The following UFL1 variants were observed in gnomAD, a reference collection of about 807,000 sequenced individuals.
The protein encoded by UFL1 is E3 UFM1-protein ligase 1.
Under a neutral mutation model 99.3 loss-of-function variants are expected in UFL1, and 78 were observed. The ratio of observed to expected loss-of-function variants is 0.79; its 90% CI spans 0.65 to 0.95. UFL1 has a LOEUF of 0.95. Among genes scored for constraint, UFL1 ranks in the 40% least tolerant of loss-of-function variants. The probability of loss-of-function intolerance (pLI) is 0.00; values close to 1 mark genes in which losing one functional copy is unlikely to be tolerated. For missense variants in UFL1, 936 were observed against 937.0 expected (o/e 1.00, Z 0.01); for synonymous variants, 335 against 322.2 (o/e 1.04, Z -0.42).
chr6:96,546,804 A>C (rs1406391322), intron 12 of UFL1, among the ~76,000 whole-genome samples: 1 of 150,940 alleles, frequency 6.6e-6, no homozygotes, highest in Non-Finnish European at 1.5e-5. Context: ...GGGAAGAACG[A>C]AACTGTATCC....
intron 8 of UFL1, among the ~76,000 whole-genome samples, chr6:96,536,691 G>A (rs1240105517): frequency 1.3e-5 from 2 of 151,682 alleles, no homozygotes; most frequent in Non-Finnish European, 2.9e-5. Context: ...AAAGCTGGTA[G>A]TAATCGCTGC....
In UFL1 at chr6:96,521,831, A is replaced by C. The variant is rs753378572; in HGVS notation, c.-43A>C. 1 of 1,588,910 alleles carries C rather than the reference A, an allele frequency of 6.3e-7. No homozygotes were observed. The highest frequency in any genetic ancestry group is 2.3e-5 in the East Asian group (1 of 43,660). ...CTCTTCTCCCACCGCCTGTCGGCTGACGTGTCTGCAGTTCCTCCGCGTCTA... is the reference window on the plus strand; with the variant it reads ...CTCTTCTCCCACCGCCTGTCGGCTGCCGTGTCTGCAGTTCCTCCGCGTCTA... On this transcript the variant is annotated 5_prime_UTR_variant, in exon 1 of 19. Transcript: ENST00000369278.
At chr6:96,522,978 G>GT (rs5878434) in intron 1 of UFL1, 168 bp from the exon 2 acceptor site, 260,294 of 496,966 alleles carry the variant, frequency 0.52, 67,790 homozygotes, top group Admixed American at 0.62. Context: ...ACTCTGAAAG[G>GT]TTTTTTTTTA....
intron 17 of UFL1, 55 bp from the exon 18 acceptor site, chr6:96,552,427 G>T: frequency 6.8e-7 from 1 of 1,473,038 alleles, no homozygotes; most frequent in Non-Finnish European, 9.0e-7. Context: ...AATTGAAATT[G>T]GTGAGAACTT....
chr6:96,551,459 A>G lies in UFL1; in HGVS notation c.1845A>G (p.Leu615=), dbSNP rs199533679. 4 of 1,531,894 alleles carry G rather than the reference A, an allele frequency of 2.6e-6. No homozygotes were observed. The highest frequency in any genetic ancestry group is 4.7e-5 in the East Asian group (2 of 42,212). 94.9% of individuals were successfully genotyped at this position (1,531,894 alleles called of 1,614,324 possible). ...TAAGAAAGAAAATTTTAAGTAAATT[A>G]TCAGAAGAAACCAAAGTAGCTCTTA... ...SEIRKKILSK[L]SEETKVALTK... Residue 615 remains leucine (L), a synonymous_variant, in exon 16 of 19, where the codon TTA becomes TTG. Coordinates refer to ENST00000369278, the MANE Select transcript of UFL1 (RefSeq NM_015323.5).
At chr6:96,528,755 A>T in intron 6 of UFL1, 123 bp downstream of exon 6, 18 of 1,258,722 alleles carry the variant, frequency 1.4e-5, no homozygotes, top group Non-Finnish European at 1.9e-5. Context: ...CAGTTTATTA[A>T]ACAGATAAAA....
chr6:96,538,618 T>C lies in UFL1; in HGVS notation c.979-13T>C. On this transcript the variant is annotated splice_polypyrimidine_tract_variant and intron_variant, in intron 9 of 18. Coordinates refer to ENST00000369278, the MANE Select transcript of UFL1 (RefSeq NM_015323.5). ...GCATTTATACTTTATTTTTATTTTG[T>C]TTGTAATTCTAGCCTCTGCTACCCA... is the stretch of plus-strand genomic sequence containing the variant. 6.2e-7 allele frequency: 1 copy of C among 1,608,420 alleles called. No individual in the cohort carries two copies. Among genetic ancestry groups the C allele is most frequent in the Non-Finnish European group, 8.5e-7 (1 of 1,176,702 alleles).
At chr6:96,524,779 A>G (rs767811275) in intron 3 of UFL1, among the ~76,000 whole-genome samples, 1 of 152,180 alleles carries the variant, frequency 6.6e-6, no homozygotes, top group Non-Finnish European at 1.5e-5. Flanking sequence ...TTTTTAGTAT[A>G]TGAAAGTAAT....
At chr6:96,532,127 A>G (rs1377255130) in intron 6 of UFL1, among the ~76,000 whole-genome samples, 3 of 152,206 alleles carry the variant, frequency 2.0e-5, no homozygotes, top group Non-Finnish European at 4.4e-5. Context: ...TTGTATTCCA[A>G]ATTGACGTAA....
In UFL1 at chr6:96,552,076, A is replaced by G. The variant is rs535127866; in HGVS notation, c.1985+153A>G. 4.6e-5 allele frequency among the ~76,000 whole-genome samples: 7 copies of G among 152,084 alleles called. No homozygotes were observed. In the East Asian group the frequency reaches 1.2e-3, roughly 25 times the overall value. ...GGCTGTAGACCTTCAAGAATATTCA[A>G]AGTCTTAAAATAGTTAGATATTTCT... On this transcript the variant is annotated intron_variant, in intron 17 of 18. Transcript: ENST00000369278.
chr6:96,536,651 T>A (rs918846954), intron 8 of UFL1, among the ~76,000 whole-genome samples: 1 of 151,788 alleles, frequency 6.6e-6, no homozygotes, highest in African/African-American at 2.4e-5. Flanking sequence ...AGTTCTATAG[T>A]TACTGAACAA....
At chr6:96,548,096 C>G (rs74913147) in intron 12 of UFL1, 68 bp from the exon 13 acceptor site, 1 of 946,968 alleles carries the variant, frequency 1.1e-6, no homozygotes, top group African/African-American at 1.7e-5. Context: ...GTAATGGAGC[C>G]CTATTTGCCA....
chr6:96,525,525 G>C, intron 4 of UFL1, 131 bp downstream of exon 4: 1 of 722,390 alleles, frequency 1.4e-6, no homozygotes, highest in Non-Finnish European at 2.4e-6. Context: ...TGATTTTCAT[G>C]ATAAGGTTTA....
chr6:96,553,464 TG>T lies in UFL1; in HGVS notation c.2347del (p.Val783PhefsTer9). On this transcript the variant is annotated frameshift_variant, in exon 19 of 19. Transcript: ENST00000369278. LOFTEE classifies it high-confidence loss of function. ...AACTTTCTTCATCCATTAAAGACCT[TG>T]TTCTCAAATCTAGGAAATCATCTGT... ...QELSSSIKDLVLKSRKSSVTE... is the reference protein window; with the variant it reads ...QELSSSIKDLXLKSRKSSVTE... 6.2e-7 allele frequency: 1 copy of T among 1,613,662 alleles called. No homozygotes were observed. Among genetic ancestry groups the T allele is most frequent in the Non-Finnish European group, 8.5e-7 (1 of 1,179,764 alleles).
chr6:96,554,134 G>A lies in UFL1; in HGVS notation c.*631G>A, dbSNP rs978669332. ...GATGCCTTTACAGGTGCACAAGAAC[G>A]CTAGAGTGGCCCATGCATTGCTGTG... is the stretch of plus-strand genomic sequence containing the variant. On this transcript the variant is annotated 3_prime_UTR_variant, in exon 19 of 19. Coordinates refer to ENST00000369278, the MANE Select transcript of UFL1 (RefSeq NM_015323.5). The A allele has an allele frequency of 6.6e-6, 1 of 152,168 alleles. No homozygotes were observed. Among genetic ancestry groups the A allele is most frequent in the Admixed American group, 6.6e-5 (1 of 15,262 alleles). 9.4% of individuals were successfully genotyped at this position (152,168 alleles called of 1,614,324 possible).
At position 96,540,662 on chromosome 6, in the gene UFL1, A is replaced by C. The variant is rs1398859851; in HGVS notation, c.1279+7A>C. ...CGAAGAAGGAAAGCAACAGGTAATA[A>C]ATTGTTAACAAGGAATATTCAAAGT... On this transcript the variant is annotated splice_region_variant and intron_variant, in intron 11 of 18. Coordinates refer to ENST00000369278, the MANE Select transcript of UFL1 (RefSeq NM_015323.5). 1 of 1,592,162 alleles carries C rather than the reference A, an allele frequency of 6.3e-7. No individual in the cohort carries two copies. The highest frequency in any genetic ancestry group is 1.4e-5 in the African/African-American group (1 of 73,350).
chr6:96,531,652 T>C (rs771512270), intron 6 of UFL1, among the ~76,000 whole-genome samples: 5 of 152,218 alleles, frequency 3.3e-5, no homozygotes, highest in Non-Finnish European at 5.9e-5. Context: ...TTGTAACTTT[T>C]TTGTACCCTG....
intron 12 of UFL1, among the ~76,000 whole-genome samples, chr6:96,543,560 G>T (rs926001045): frequency 1.5e-4 from 23 of 151,146 alleles, no homozygotes; most frequent in African/African-American, 5.6e-4. Context: ...GTTATAGAGG[G>T]AATGGCTGAC....
intron 12 of UFL1, among the ~76,000 whole-genome samples, chr6:96,544,762 C>A (rs1192312184): frequency 6.6e-6 from 1 of 150,946 alleles, no homozygotes; most frequent in African/African-American, 2.4e-5. Flanking sequence ...GTGTACTAGG[C>A]ATGTGGGTGA....
Sources: allele counts gnomAD v4.1 joint callset (sites outside exome capture counted in the v4.1 genomes callset), GRCh38; gene constraint gnomAD v4.1.1; transcripts MANE v1.5; gene names NCBI Gene and HGNC (gene_info 2026-07-23, HGNC 2026-07-21).